Variants in GABRA2 observed in about 807,000 individuals in gnomAD.
GABRA2 encodes gamma-aminobutyric acid type A receptor subunit alpha2.
GABRA2 carries 16 observed loss-of-function variants against 48.7 expected under a neutral mutation model. The observed-to-expected ratio is 0.33, with a 90% CI of 0.22 to 0.50. The LOEUF is 0.50. Among genes scored for constraint, GABRA2 ranks in the 20% least tolerant of loss-of-function variants. The pLI is 0.98. For synonymous variants in GABRA2, 185 were observed against 184.5 expected, an observed-to-expected ratio of 1.00 and a Z score of -0.02; for missense variants, 275 against 535.6, an observed-to-expected ratio of 0.51 and a Z score of 4.80.
chr4:46,386,317 T>A, intron 2 of GABRA2, 128 bp from the exon 3 acceptor site: 1 of 591,940 alleles, frequency 1.7e-6, no homozygotes, highest in Non-Finnish European at 2.9e-6. Context: ...TTCCTCCTTT[T>A]TTTTTAACTT....
At chr4:46,326,564 C>A (rs2109780369) in intron 4 of GABRA2, among the ~76,000 whole-genome samples, 1 of 150,466 alleles carries the variant, frequency 6.6e-6, no homozygotes, top group East Asian at 2.0e-4. Context: ...TTCATTTTGA[C>A]AGATACCCAC....
intron 3 of GABRA2, among the ~76,000 whole-genome samples, chr4:46,345,663 C>T (rs1325959827): frequency 1.3e-5 from 2 of 151,952 alleles, no homozygotes; most frequent in East Asian, 3.9e-4. Flanking sequence ...ACGTTCTTTC[C>T]TAACTGGCTC....
chr4:46,300,166 T>A (rs770960770), intron 8 of GABRA2, among the ~76,000 whole-genome samples: 7 of 151,934 alleles, frequency 4.6e-5, no homozygotes, highest in Non-Finnish European at 8.8e-5. Flanking sequence ...TTATTTCCAT[T>A]TCAATCCTAT....
rs1025369474 is a variant in GABRA2, at chr4:46,248,237, A to G, written c.*2071T>C. Among the ~76,000 whole-genome samples, 1 of 151,388 alleles carries G rather than the reference A, an allele frequency of 6.6e-6. No homozygotes were observed. The highest frequency in any genetic ancestry group is 1.5e-5 in the Non-Finnish European group (1 of 67,552). ...ATTCTTAAAGTATCTAATAATGCATACCATATAGAGCAATTTCATTGCTTG... is the reference window on the plus strand; with the variant it reads ...ATTCTTAAAGTATCTAATAATGCATGCCATATAGAGCAATTTCATTGCTTG... On this transcript the variant is annotated 3_prime_UTR_variant, in exon 10 of 10. Transcript: ENST00000381620.
intron 4 of GABRA2, among the ~76,000 whole-genome samples, chr4:46,331,258 A>C (rs973823588): frequency 1.3e-5 from 2 of 152,162 alleles, no homozygotes; most frequent in African/African-American, 4.8e-5. Flanking sequence ...ATTTAGTATC[A>C]ACCACTTCCA....
intron 3 of GABRA2, chr4:46,364,221 T>A (rs1173489653): frequency 6.6e-6 from 1 of 152,192 alleles, no homozygotes; most frequent in Admixed American, 6.5e-5. Flanking sequence ...GCTTCGATAT[T>A]CTTATCTGTT....
intron 8 of GABRA2, among the ~76,000 whole-genome samples, chr4:46,290,311 A>T (rs1723391761): frequency 6.6e-6 from 1 of 152,050 alleles, no homozygotes; most frequent in Non-Finnish European, 1.5e-5. Flanking sequence ...TGAAAAAAAA[A>T]GCCATTGAAT....
At chr4:46,367,266 A>T (rs1315594025) in intron 3 of GABRA2, 1 of 152,146 alleles carries the variant, frequency 6.6e-6, no homozygotes, top group Non-Finnish European at 1.5e-5. Flanking sequence ...CATTTCTAAG[A>T]ACCCAAAATA....
chr4:46,311,897 G>A (rs1374763479), intron 5 of GABRA2, among the ~76,000 whole-genome samples: 3 of 152,138 alleles, frequency 2.0e-5, no homozygotes, highest in African/African-American at 4.8e-5. Flanking sequence ...CCAGGAGTTC[G>A]GGGCCAGCCT....
chr4:46,371,637 A>G (rs542063807), intron 3 of GABRA2, among the ~76,000 whole-genome samples: 1 of 152,252 alleles, frequency 6.6e-6, no homozygotes, highest in East Asian at 1.9e-4. Context: ...AAGTGCAGTC[A>G]TGACTGGATA....
chr4:46,295,633 A>C (rs1008157945), intron 8 of GABRA2, among the ~76,000 whole-genome samples: 5 of 152,276 alleles, frequency 3.3e-5, no homozygotes, highest in Admixed American at 3.3e-4. Flanking sequence ...ACTTCCACTC[A>C]CCAAGGCTGA....
chr4:46,278,146 TAC>T (rs1720851504), intron 8 of GABRA2, among the ~76,000 whole-genome samples: 5 of 152,074 alleles, frequency 3.3e-5, no homozygotes. Flanking sequence ...AAGAAAAACA[TAC>T]ACACACACTT....
intron 4 of GABRA2, among the ~76,000 whole-genome samples, chr4:46,318,329 G>T (rs905102242): frequency 2.6e-5 from 4 of 150,954 alleles, no homozygotes; most frequent in Admixed American, 2.0e-4. Context: ...GTAAAATATA[G>T]GTATAGATAT....
intron 4 of GABRA2, among the ~76,000 whole-genome samples, chr4:46,321,587 C>A (rs1282996967): frequency 6.6e-6 from 1 of 151,994 alleles, no homozygotes; most frequent in Non-Finnish European, 1.5e-5. Flanking sequence ...GTTCTCAAGT[C>A]GGGTAGATCA....
intron 8 of GABRA2, among the ~76,000 whole-genome samples, chr4:46,301,090 A>T (rs2109609933): frequency 6.6e-6 from 1 of 152,244 alleles, no homozygotes; most frequent in Admixed American, 6.5e-5. Flanking sequence ...TTGTCTTCTT[A>T]AAATTTGCAG....
chr4:46,244,907 T>C lies in GABRA2; in HGVS notation c.*5401A>G, dbSNP rs1358590774. 6.6e-6 allele frequency among the ~76,000 whole-genome samples: 1 copy of C among 151,480 alleles called. No homozygotes were observed. The highest frequency in any genetic ancestry group is 1.5e-5 in the Non-Finnish European group (1 of 67,594). On this transcript the variant is annotated 3_prime_UTR_variant, in exon 10 of 10. Transcript: ENST00000381620. ...GTTGAGTGTTTGCTTTTTACTTGTT[T>C]GTTTTGTTATGTAGAAAACCATGTA...
intron 3 of GABRA2, among the ~76,000 whole-genome samples, chr4:46,377,501 A>G (rs11932187): frequency 8.6e-6 from 1 of 116,678 alleles, no homozygotes; most frequent in Non-Finnish European, 1.9e-5. Flanking sequence ...CCGCCCAGCA[A>G]CCGCCCCGTC....
At chr4:46,309,719 G>T (rs1727305748) in intron 6 of GABRA2, among the ~76,000 whole-genome samples, 1 of 151,978 alleles carries the variant, frequency 6.6e-6, no homozygotes, top group African/African-American at 2.4e-5. Flanking sequence ...AAATAAAAAA[G>T]AAATCCTTCC....
At chr4:46,380,169 C>T (rs1445387410) in intron 3 of GABRA2, among the ~76,000 whole-genome samples, 1 of 152,182 alleles carries the variant, frequency 6.6e-6, no homozygotes, top group African/African-American at 2.4e-5. Context: ...TCTGTAAATA[C>T]AGCTTTGCTT....
Sources: allele counts gnomAD v4.1 joint callset (sites outside exome capture counted in the v4.1 genomes callset), GRCh38; gene constraint gnomAD v4.1.1; transcripts MANE v1.5; gene names NCBI Gene and HGNC (gene_info 2026-07-23, HGNC 2026-07-21).